Variants in SLC38A6 observed in about 807,000 individuals in gnomAD.
SLC38A6 encodes the protein solute carrier family 38 member 6.
Under a neutral mutation model 65.0 loss-of-function variants are expected in SLC38A6, and 73 were observed. That is an observed-to-expected ratio of 1.12 (90% CI 0.93 to 1.37). The LOEUF is 1.37. Ranked by LOEUF, SLC38A6 falls within the 40% of genes most tolerant of loss-of-function variation. The pLI is 0.00. For synonymous variants in SLC38A6, 183 were observed against 178.8 expected, an observed-to-expected ratio of 1.02 and a Z score of -0.19; for missense variants, 561 against 531.1, an observed-to-expected ratio of 1.06 and a Z score of -0.55.
At chr14:61,034,722 T>G (rs1327045310) in intron 6 of SLC38A6, among the ~76,000 whole-genome samples, 1 of 152,156 alleles carries the variant, frequency 6.6e-6, no homozygotes, top group Non-Finnish European at 1.5e-5. Flanking sequence ...GTGTACTCTT[T>G]TAGTACTTCC....
At chr14:61,037,252 A>G (rs569681377) in intron 7 of SLC38A6, 111 bp downstream of exon 7, 3 of 762,950 alleles carry the variant, frequency 3.9e-6, no homozygotes, top group Non-Finnish European at 2.1e-6. Flanking sequence ...CATTTTTGGC[A>G]GAAGGATGGT....
intron 15 of SLC38A6, among the ~76,000 whole-genome samples, chr14:61,064,405 G>A (rs1566725432): frequency 6.6e-6 from 1 of 152,046 alleles, no homozygotes; most frequent in Non-Finnish European, 1.5e-5. Context: ...TGTTAAGTGT[G>A]ATGACAGCTG....
In SLC38A6 at chr14:61,010,795, A is replaced by G. The variant is rs368718059; in HGVS notation, c.311-5109A>G. 1.1e-4 allele frequency among the ~76,000 whole-genome samples: 16 copies of G among 152,250 alleles called. No individual in the cohort carries two copies. In the South Asian group the frequency reaches 3.3e-3, roughly 32 times the overall value. ...GTTTTGGTTACTGTAGCCTCGTAGT[A>G]TAGTTTGAAGTCAGGTAGCGTGATG... On this transcript the variant is annotated intron_variant, in intron 3 of 15. Coordinates refer to ENST00000267488, the MANE Select transcript of SLC38A6 (RefSeq NM_153811.3).
exon 17 of SLC38A6, chr14:61,083,699 C>G: frequency 6.5e-7 from 1 of 1,547,536 alleles, no homozygotes; most frequent in South Asian, 1.2e-5. Flanking sequence ...ACCTCCAGAA[C>G]TGTGAGCAAA....
intron 5 of SLC38A6, among the ~76,000 whole-genome samples, chr14:61,022,315 C>G (rs2040385182): frequency 6.6e-6 from 1 of 151,882 alleles, no homozygotes; most frequent in Non-Finnish European, 1.5e-5. Flanking sequence ...TTTAGAACCT[C>G]CTCTTAGGTT....
At chr14:61,031,615 A>G (rs1368641347) in intron 6 of SLC38A6, among the ~76,000 whole-genome samples, 1 of 152,064 alleles carries the variant, frequency 6.6e-6, no homozygotes, top group African/African-American at 2.4e-5. Context: ...ATCACATCTG[A>G]TACTCAAAAC....
Position 61,030,486 on chromosome 14 carries a change from G to A in SLC38A6, c.445G>A (p.Ala149Thr). The A allele has an allele frequency of 6.2e-7, 1 of 1,611,376 alleles. No homozygotes were observed. ...TTTAATTATTAAAACAGAGCTTCCT[G>A]CTGCTATTGCAGAATTTTTGACTGG... The part of the protein sequence containing the change: ...YLLIIKTELP[A>T]AIAEFLTGDY... Residue 149 changes from alanine (A) to threonine (T), a missense_variant, in exon 6 of 16, where the codon GCT becomes ACT. Physicochemically the swap from Ala to Thr is moderately conservative, Grantham distance 58. Transcript: ENST00000267488.
intron 3 of SLC38A6, among the ~76,000 whole-genome samples, chr14:61,003,172 A>G (rs911878501): frequency 3.9e-5 from 6 of 152,100 alleles, no homozygotes; most frequent in Non-Finnish European, 1.5e-5. Flanking sequence ...ATAAAATTCT[A>G]CCACTTGTAT....
chr14:61,025,114 C>CT (rs2040536490), intron 5 of SLC38A6, among the ~76,000 whole-genome samples: 1 of 152,198 alleles, frequency 6.6e-6, no homozygotes, highest in African/African-American at 2.4e-5. Flanking sequence ...ACACCTTACT[C>CT]TTGCAGCCTT....
intron 11 of SLC38A6, 39 bp from the exon 12 acceptor site, chr14:61,046,028 C>T (rs949605173): frequency 2.4e-6 from 3 of 1,268,800 alleles, no homozygotes; most frequent in African/African-American, 3.0e-5. Flanking sequence ...ACATATAATT[C>T]AGATCACTTA....
intron 15 of SLC38A6, among the ~76,000 whole-genome samples, chr14:61,063,590 C>G (rs1243035750): frequency 6.6e-6 from 1 of 152,168 alleles, no homozygotes; most frequent in Admixed American, 6.5e-5. Context: ...TAGAGAATTG[C>G]ATGCAAAGTG....
intron 3 of SLC38A6, among the ~76,000 whole-genome samples, chr14:60,989,951 GT>G (rs1023854903): frequency 3.3e-5 from 5 of 152,058 alleles, no homozygotes; most frequent in African/African-American, 1.2e-4. Context: ...TTTCTCTTCT[GT>G]TGAATTCTCT....
At chr14:61,075,706 G>T (rs2043377500) in intron 15 of SLC38A6, among the ~76,000 whole-genome samples, 1 of 151,416 alleles carries the variant, frequency 6.6e-6, no homozygotes, top group Non-Finnish European at 1.5e-5. Flanking sequence ...CGGTCATCTT[G>T]CTAGGTTCTC....
chr14:61,007,946 TTAGAA>T (rs1185856431), intron 3 of SLC38A6, among the ~76,000 whole-genome samples: 3 of 152,150 alleles, frequency 2.0e-5, no homozygotes, highest in Non-Finnish European at 1.5e-5. Flanking sequence ...AGCTTTTACT[TTAGAA>T]TATGTGATTT....
At chr14:61,077,955 C>CA (rs1371280127) in intron 15 of SLC38A6, among the ~76,000 whole-genome samples, 1 of 152,176 alleles carries the variant, frequency 6.6e-6, no homozygotes, top group African/African-American at 2.4e-5. Context: ...ATTATATTTC[C>CA]AGCCTCATTT....
intron 15 of SLC38A6, among the ~76,000 whole-genome samples, chr14:61,069,080 C>T (rs2139951963): frequency 6.6e-6 from 1 of 152,236 alleles, no homozygotes; most frequent in South Asian, 2.1e-4. Context: ...CAAAAATTAC[C>T]ACATGCAGGT....
At chr14:61,005,704 C>A (rs1011894020) in intron 3 of SLC38A6, among the ~76,000 whole-genome samples, 1 of 152,164 alleles carries the variant, frequency 6.6e-6, no homozygotes, top group Non-Finnish European at 1.5e-5. Context: ...AATGGAAGAA[C>A]ATTCCATGCT....
At chr14:61,051,740 A>G (rs2042516571) in intron 13 of SLC38A6, 47 bp from the exon 14 acceptor site, 4 of 1,598,122 alleles carry the variant, frequency 2.5e-6, no homozygotes, top group South Asian at 2.2e-5. Flanking sequence ...AAATATCTGG[A>G]CTTTGACATT....
chr14:61,017,633 C>T (rs1256145038), intron 4 of SLC38A6, among the ~76,000 whole-genome samples: 1 of 152,210 alleles, frequency 6.6e-6, no homozygotes, highest in Non-Finnish European at 1.5e-5. Context: ...AGTATCAACA[C>T]TGACATCACT....
Sources: gnomAD v4.1 joint callset for allele counts (sites outside exome capture counted in the v4.1 genomes callset) on GRCh38, gnomAD v4.1.1 for gene constraint, MANE v1.5 for transcripts, NCBI Gene and HGNC (gene_info 2026-07-23, HGNC 2026-07-21) for gene names.